The following FAF1 variants were observed in gnomAD, a reference collection of about 807,000 sequenced individuals.
FAF1 encodes the protein Fas associated factor 1, also known as FAS-associated factor 1.
Under a neutral mutation model 92.5 loss-of-function variants are expected in FAF1, and 25 were observed. That is an observed-to-expected ratio of 0.27 (90% CI 0.20 to 0.38). The LOEUF (loss-of-function observed/expected upper bound fraction) is 0.38. Among genes scored for constraint, FAF1 ranks in the 10% least tolerant of loss-of-function variants. The pLI, the probability that FAF1 is intolerant of heterozygous loss-of-function variation, is 1.00. For synonymous variants in FAF1, 234 were observed against 273.2 expected (o/e 0.86, Z 1.42); for missense variants, 636 against 793.3 (o/e 0.80, Z 2.38).
chr1:50,700,338 A>T (rs1657413853), intron 7 of FAF1, among the ~76,000 whole-genome samples: 1 of 151,958 alleles, frequency 6.6e-6, no homozygotes. Flanking sequence ...TTCTCAAATC[A>T]TTTGGAGTCG....
At chr1:50,885,224 T>C (rs934519461) in intron 1 of FAF1, among the ~76,000 whole-genome samples, 4 of 152,098 alleles carry the variant, frequency 2.6e-5, no homozygotes, top group African/African-American at 9.7e-5. Flanking sequence ...ACTTTGCCTT[T>C]CATTGATCTT....
At chr1:50,656,620 C>G (rs1045939055) in intron 7 of FAF1, among the ~76,000 whole-genome samples, 1 of 151,412 alleles carries the variant, frequency 6.6e-6, no homozygotes, top group South Asian at 2.1e-4. Flanking sequence ...TGGTGGCTCA[C>G]GCCTGTAATC....
At chr1:50,650,232 C>A (rs925789492) in intron 8 of FAF1, among the ~76,000 whole-genome samples, 1 of 143,642 alleles carries the variant, frequency 7.0e-6, no homozygotes, top group Non-Finnish European at 1.5e-5. Flanking sequence ...TGCGGTGAGC[C>A]GGGATCACAC....
Position 50,755,919 on chromosome 1 carries a change from C to T in FAF1, c.368-11144G>A, listed in dbSNP as rs531596562. Among the ~76,000 whole-genome samples the T allele has an allele frequency of 2.0e-5, 3 of 152,318 alleles. No individual in the cohort carries two copies. In the South Asian group the frequency reaches 6.2e-4, roughly 32 times the overall value. On this transcript the variant is annotated intron_variant, in intron 4 of 18. Coordinates refer to ENST00000396153, the MANE Select transcript of FAF1 (RefSeq NM_007051.3). ...CACCAAGTCCCTAGGCTGCACACAG[C>T]ACAGGGACCCTGGGTCCAGCCCACG...
intron 4 of FAF1, among the ~76,000 whole-genome samples, chr1:50,753,443 C>T (rs1402539430): frequency 1.3e-5 from 2 of 152,160 alleles, no homozygotes; most frequent in Non-Finnish European, 2.9e-5. Flanking sequence ...AAGAAAGTTG[C>T]TATAAACAAT....
chr1:50,573,971 T>C (rs1238313476), intron 12 of FAF1, among the ~76,000 whole-genome samples: 2 of 141,100 alleles, frequency 1.4e-5, no homozygotes, highest in African/African-American at 5.1e-5. Context: ...CTACTAAAAA[T>C]ACAAAAAATT....
At chr1:50,712,998 C>T (rs1658001872) in intron 6 of FAF1, among the ~76,000 whole-genome samples, 1 of 151,236 alleles carries the variant, frequency 6.6e-6, no homozygotes, top group African/African-American at 2.4e-5. Context: ...CCAGACTCTA[C>T]AAAAAATACA....
chr1:50,847,419 T>TAA (rs57172783), intron 2 of FAF1, among the ~76,000 whole-genome samples: 41 of 119,616 alleles, frequency 3.4e-4, no homozygotes, highest in South Asian at 1.8e-3. Context: ...TGCCTGAAAT[T>TAA]AAAAAAAAAA....
Position 50,959,778 on chromosome 1 carries a change from C to A in FAF1, c.34G>T (p.Ala12Ser). 6.2e-7 allele frequency: 1 copy of A among 1,601,678 alleles called. No homozygotes were observed. Among genetic ancestry groups the A allele is most frequent in the Non-Finnish European group, 8.5e-7 (1 of 1,173,764 alleles). The change falls in exon 1 of 19, where the codon GCG becomes TCG. Residue 12 changes from alanine (A) to serine (S), a missense_variant. Physicochemically the swap from Ala to Ser is moderately conservative, Grantham distance 99 (BLOSUM62 1). This residue lies in a region of FAF1 where 317 missense variants were observed against 342.4 expected (regional missense o/e 0.93). Transcript: ENST00000396153. ...GCCAGATACTTCACCTGAAAATCCG[C>A]CAGGATCATCTCCCGGTCCATGTTG... ...ASNMDREMIL[A>S]DFQACTGIEN...
At chr1:50,759,765 C>A (rs1333400534) in intron 4 of FAF1, among the ~76,000 whole-genome samples, 1 of 152,172 alleles carries the variant, frequency 6.6e-6, no homozygotes, top group Non-Finnish European at 1.5e-5. Flanking sequence ...TACAGTCACA[C>A]CAACAGTGTA....
At chr1:50,488,056 A>C (rs1572778240) in intron 17 of FAF1, among the ~76,000 whole-genome samples, 1 of 152,206 alleles carries the variant, frequency 6.6e-6, no homozygotes, top group East Asian at 1.9e-4. Flanking sequence ...GATTGGACTA[A>C]ATGAAAATAA....
chr1:50,863,389 A>G (rs1039338483), intron 1 of FAF1, among the ~76,000 whole-genome samples: 1 of 151,986 alleles, frequency 6.6e-6, no homozygotes, highest in African/African-American at 2.4e-5. Flanking sequence ...AGTTCATACC[A>G]TTAAATGCCT....
chr1:50,605,028 A>G (rs1230791547), intron 8 of FAF1, among the ~76,000 whole-genome samples: 1 of 152,192 alleles, frequency 6.6e-6, no homozygotes, highest in Non-Finnish European at 1.5e-5. Flanking sequence ...TATTTTCCAC[A>G]TTATAATTAC....
intron 13 of FAF1, among the ~76,000 whole-genome samples, chr1:50,551,972 T>C (rs1376041480): frequency 2.0e-5 from 3 of 152,176 alleles, no homozygotes; most frequent in Non-Finnish European, 4.4e-5. Context: ...AACTCTCTGA[T>C]GAATGTAGTT....
chr1:50,886,284 C>G (rs187973708), intron 1 of FAF1, among the ~76,000 whole-genome samples: 2 of 152,026 alleles, frequency 1.3e-5, no homozygotes, highest in Non-Finnish European at 2.9e-5. Flanking sequence ...TGATGAAATC[C>G]CTCCGCTTTT....
intron 9 of FAF1, among the ~76,000 whole-genome samples, chr1:50,593,145 A>G (rs1289038049): frequency 6.6e-6 from 1 of 152,158 alleles, no homozygotes; most frequent in Non-Finnish European, 1.5e-5. Context: ...AGATATTATT[A>G]TTCAGTAATA....
chr1:50,949,768 C>T lies in FAF1; in HGVS notation c.45+9999G>A, dbSNP rs1645199521. ...TATCTGAATTACAATTGATTGTCCT[C>T]AGTCCCACGGCTGCCAAGTGATTCT... is the stretch of plus-strand genomic sequence containing the variant. On this transcript the variant is annotated intron_variant, in intron 1 of 18. Coordinates refer to ENST00000396153, the MANE Select transcript of FAF1 (RefSeq NM_007051.3). Among the ~76,000 whole-genome samples, 3 of 152,224 alleles carry T rather than the reference C, an allele frequency of 2.0e-5. No homozygotes were observed. The South Asian group carries it at 6.2e-4, about 32-fold the overall frequency.
chr1:50,904,821 T>TA lies in FAF1; in HGVS notation c.46-46825dup, dbSNP rs560818287. On this transcript the variant is annotated intron_variant, in intron 1 of 18. Coordinates refer to ENST00000396153, the MANE Select transcript of FAF1 (RefSeq NM_007051.3). The stretch of plus-strand genomic sequence containing the variant: ...GAAACAAATATAACTACTACCCAAC[T>TA]AAAAAAATACATTATCAATATCTTT... Among the ~76,000 whole-genome samples, 33 of 151,958 alleles carry TA rather than the reference T, an allele frequency of 2.2e-4. 1 individual carries two copies. In the East Asian group the frequency reaches 3.9e-3, roughly 18 times the overall value.
intron 4 of FAF1, among the ~76,000 whole-genome samples, chr1:50,759,125 T>C (rs1660209245): frequency 6.6e-6 from 1 of 152,066 alleles, no homozygotes; most frequent in Non-Finnish European, 1.5e-5. Context: ...TTTATTATTC[T>C]TAAATCTCTC....
Sources: allele counts gnomAD v4.1 joint callset (sites outside exome capture counted in the v4.1 genomes callset), GRCh38; gene constraint gnomAD v4.1.1; regional missense constraint gnomAD v4.1.1; transcripts MANE v1.5; gene names NCBI Gene and HGNC (gene_info 2026-07-23, HGNC 2026-07-21).